Variants in EBF4 observed in about 807,000 individuals in gnomAD.
EBF4 encodes EBF transcription factor 4, also known as transcription factor COE4.
A neutral mutation model predicts 67.1 loss-of-function variants in EBF4; 34 were observed. The observed-to-expected ratio is 0.51, with a 90% CI of 0.39 to 0.67. EBF4 has a LOEUF of 0.67. Among genes scored for constraint, EBF4 ranks in the 30% least tolerant of loss-of-function variants. EBF4 has a pLI of 0.00. For missense variants in EBF4, 837 were observed against 873.3 expected, an observed-to-expected ratio of 0.96 and a Z score of 0.52; for synonymous variants, 387 against 377.7, an observed-to-expected ratio of 1.02 and a Z score of -0.29.
Position 2,755,830 on chromosome 20 carries a change from T to C in EBF4, c.1738+6T>C, listed in dbSNP as rs1050704586. 17 of 1,544,372 alleles carry C rather than the reference T, an allele frequency of 1.1e-5. No individual in the cohort carries two copies. The highest frequency in any genetic ancestry group is 1.4e-5 in the Non-Finnish European group (16 of 1,146,366). On this transcript the variant is annotated splice_donor_region_variant and intron_variant, in intron 15 of 16. Transcript: ENST00000609451. This position sits in a 1 kb window ranked among gnomAD's most constrained non-coding sequence, Gnocchi z 4.7. ...CCACGGAGAGGGGCTTCCAGGTGAGTGATCCACCCTGCCTCACTGTGGCAG... is the reference window on the plus strand; with the variant it reads ...CCACGGAGAGGGGCTTCCAGGTGAGCGATCCACCCTGCCTCACTGTGGCAG...
intron 6 of EBF4, among the ~76,000 whole-genome samples, chr20:2,724,267 C>A (rs905986472): frequency 6.6e-6 from 1 of 152,218 alleles, no homozygotes; most frequent in Non-Finnish European, 1.5e-5. Flanking sequence ...TTAACCAGTA[C>A]ACTACTGATC....
At position 2,748,483 on chromosome 20, in the gene EBF4, G is replaced by A. The variant is rs184245632; in HGVS notation, c.558-66G>A. 175 of 1,450,540 alleles carry A rather than the reference G, an allele frequency of 1.2e-4. No individual in the cohort carries two copies. In the African/African-American group the frequency reaches 2.3e-3, roughly 19 times the overall value. 89.9% of individuals were successfully genotyped at this position (1,450,540 alleles called of 1,614,324 possible). On this transcript the variant is annotated intron_variant, in intron 6 of 16. Coordinates refer to ENST00000609451, the Ensembl canonical transcript of EBF4. ...CTGTGGGGAGGGGGCATGGCAGGGA[G>A]CAGTTGGATCTTCATCTGTTTCCAG...
rs200321351 is a variant in EBF4 at position 2,743,806 on chromosome 20, C to T, written c.558-4743C>T. Among the ~76,000 whole-genome samples, 26 of 152,166 alleles carry T rather than the reference C, an allele frequency of 1.7e-4. No homozygotes were observed. In the East Asian group the frequency reaches 3.5e-3, roughly 20 times the overall value. On this transcript the variant is annotated intron_variant, in intron 6 of 16. Coordinates refer to ENST00000609451, the Ensembl canonical transcript of EBF4. ...TTTCCAAGTCATATGAATTTGGGGG[C>T]GGGGAGTATAAATTCACAGGGTACA...
At chr20:2,711,896 A>G (rs2087549356) in intron 6 of EBF4, among the ~76,000 whole-genome samples, 1 of 152,246 alleles carries the variant, frequency 6.6e-6, no homozygotes, top group African/African-American at 2.4e-5. Context: ...CACTGAAAAG[A>G]TGACATTTGA....
chr20:2,746,029 G>A (rs1162914277), intron 6 of EBF4, among the ~76,000 whole-genome samples: 1 of 152,152 alleles, frequency 6.6e-6, no homozygotes, highest in African/African-American at 2.4e-5. Context: ...CCAAAGGACC[G>A]AGCACACGAG....
intron 6 of EBF4, among the ~76,000 whole-genome samples, chr20:2,713,207 C>T (rs2087565750): frequency 6.6e-6 from 1 of 152,044 alleles, no homozygotes; most frequent in Non-Finnish European, 1.5e-5. Flanking sequence ...GAAGCAATAT[C>T]CTTCAGGTGG....
chr20:2,759,830 C>T (rs895981625), downstream of EBF4: 7 of 152,330 alleles, frequency 4.6e-5, no homozygotes, highest in Non-Finnish European at 1.5e-5. Context: ...GAGACCTGCA[C>T]TCTCATGCTT....
At chr20:2,750,752 C>T (rs1248177552) in intron 10 of EBF4, among the ~76,000 whole-genome samples, 1 of 152,158 alleles carries the variant, frequency 6.6e-6, no homozygotes, top group Non-Finnish European at 1.5e-5. Flanking sequence ...GTCACGCGGT[C>T]AAGGGGCTGA....
chr20:2,741,040 G>A (rs2087959614), intron 6 of EBF4, among the ~76,000 whole-genome samples: 1 of 152,174 alleles, frequency 6.6e-6, no homozygotes, highest in South Asian at 2.1e-4. Flanking sequence ...GCCAGGCATG[G>A]TGGCTCATGC....
chr20:2,699,405 TCAAA>T (rs2087343067), intron 1 of EBF4, among the ~76,000 whole-genome samples: 1 of 152,212 alleles, frequency 6.6e-6, no homozygotes, highest in Non-Finnish European at 1.5e-5. Flanking sequence ...TTTTGGTGTC[TCAAA>T]CAGTCTCCTT....
chr20:2,705,102 C>A (rs2087432110), intron 1 of EBF4, among the ~76,000 whole-genome samples: 1 of 152,260 alleles, frequency 6.6e-6, no homozygotes, highest in African/African-American at 2.4e-5. Context: ...TGGACATCGC[C>A]ATTCCCCAGG....
chr20:2,701,490 C>T (rs1262939022), intron 1 of EBF4, among the ~76,000 whole-genome samples: 1 of 152,236 alleles, frequency 6.6e-6, no homozygotes, highest in African/African-American at 2.4e-5. Context: ...CCTCAGCAGC[C>T]TGGCAGGAGC....
chr20:2,722,993 TTGTC>T (rs2146427438), intron 6 of EBF4, among the ~76,000 whole-genome samples: 1 of 152,350 alleles, frequency 6.6e-6, no homozygotes, highest in Non-Finnish European at 1.5e-5. Flanking sequence ...TTACTTATAA[TTGTC>T]TGCTTGATCT....
intron 6 of EBF4, among the ~76,000 whole-genome samples, chr20:2,711,725 A>G (rs940329795): frequency 6.6e-6 from 1 of 152,234 alleles, no homozygotes; most frequent in Non-Finnish European, 1.5e-5. Flanking sequence ...CCTTGTGTTC[A>G]CGGGCTTACA....
At chr20:2,723,463 G>A (rs996843319) in intron 6 of EBF4, among the ~76,000 whole-genome samples, 4 of 151,506 alleles carry the variant, frequency 2.6e-5, no homozygotes, top group Non-Finnish European at 5.9e-5. Context: ...CCATTCTCCC[G>A]CCTCAGCCTC....
intron 6 of EBF4, among the ~76,000 whole-genome samples, chr20:2,734,073 T>A (rs1160626496): frequency 6.6e-6 from 1 of 152,220 alleles, no homozygotes; most frequent in Non-Finnish European, 1.5e-5. Context: ...TAGACATAGT[T>A]TCCTTTAGTT....
intron 6 of EBF4, among the ~76,000 whole-genome samples, chr20:2,735,975 T>C (rs79024835): frequency 0.011 from 1,643 of 152,372 alleles, 29 homozygotes; most frequent in African/African-American, 0.037. Context: ...GAAAATATTC[T>C]GTACCAACCA....
chr20:2,708,923 C>T (rs757291541), intron 5 of EBF4, among the ~76,000 whole-genome samples: 2 of 152,232 alleles, frequency 1.3e-5, no homozygotes, highest in South Asian at 2.1e-4. Flanking sequence ...CAATGGCTCA[C>T]GCCTGTAATC....
chr20:2,706,732 A>G (rs1211311192), intron 4 of EBF4, among the ~76,000 whole-genome samples: 3 of 152,250 alleles, frequency 2.0e-5, no homozygotes, highest in Non-Finnish European at 2.9e-5. Flanking sequence ...CCTCTGAGAC[A>G]TTTTCAGACC....
Sources: allele counts gnomAD v4.1 joint callset (sites outside exome capture counted in the v4.1 genomes callset), GRCh38; gene constraint gnomAD v4.1.1; non-coding constraint Gnocchi (gnomAD v3.1); transcripts MANE v1.5; gene names NCBI Gene and HGNC (gene_info 2026-07-23, HGNC 2026-07-21).